SPNS2: variants seen among roughly 807,000 people sequenced by gnomAD.
SPNS2 encodes SPNS lysolipid transporter 2, sphingosine-1-phosphate, also known as sphingosine-1-phosphate transporter SPNS2.
A neutral mutation model predicts 57.6 loss-of-function variants in SPNS2; 37 were observed. That is an observed-to-expected ratio of 0.64 (90% CI 0.49 to 0.85). The LOEUF (loss-of-function observed/expected upper bound fraction) is 0.85, where lower values mean the gene tolerates loss of function less well. Ranked by LOEUF, SPNS2 falls within the 40% of genes least tolerant of loss-of-function variation. The pLI, the probability that SPNS2 is intolerant of heterozygous loss-of-function variation, is 0.00. For synonymous variants in SPNS2, 440 were observed against 346.9 expected (o/e 1.27, Z -2.98); for missense variants, 831 against 779.1 (o/e 1.07, Z -0.79).
At chr17:4,534,804 C>T (rs1426114790) in intron 9 of SPNS2, among the ~76,000 whole-genome samples, 1 of 146,692 alleles carries the variant, frequency 6.8e-6, no homozygotes, top group Non-Finnish European at 1.5e-5. Flanking sequence ...ACTGCACAGG[C>T]CCAGAGTGAA....
intron 2 of SPNS2, among the ~76,000 whole-genome samples, chr17:4,520,790 C>T (rs1040314924): frequency 6.6e-6 from 1 of 152,144 alleles, no homozygotes; most frequent in Non-Finnish European, 1.5e-5. Flanking sequence ...GCCGCACACT[C>T]GCTGTGTGAC....
At position 4,512,921 on chromosome 17, in the gene SPNS2, C is replaced by T. The variant is rs942967759; in HGVS notation, c.371-326C>T. On this transcript the variant is annotated intron_variant, in intron 1 of 12. Coordinates refer to ENST00000329078, the MANE Select transcript of SPNS2 (RefSeq NM_001124758.3). This position sits in a 1 kb window ranked among gnomAD's most constrained non-coding sequence, Gnocchi z 5.2. The stretch of plus-strand genomic sequence containing the variant: ...AAAGGCCTATGTCTATTGCACTGAT[C>T]CACGGCCTGGGCCGCAGGTAGGGAA... Among the ~76,000 whole-genome samples the T allele has an allele frequency of 1.3e-5, 2 of 152,186 alleles. No individual in the cohort carries two copies. The highest frequency in any genetic ancestry group is 2.9e-5 in the Non-Finnish European group (2 of 68,026).
chr17:4,498,999 C>A lies in SPNS2; in HGVS notation c.-49C>A. On this transcript the variant is annotated 5_prime_UTR_variant, in exon 1 of 13. Coordinates refer to ENST00000329078, the MANE Select transcript of SPNS2 (RefSeq NM_001124758.3). The stretch of plus-strand genomic sequence containing the variant: ...GCACGCACGCGCTGAGCGGGCCCAG[C>A]CTGGGCCCCGCGCCCCCCGCGCCCC... 1.0e-6 allele frequency: 1 copy of A among 976,856 alleles called. No homozygotes were observed. Among genetic ancestry groups the A allele is most frequent in the Non-Finnish European group, 1.2e-6 (1 of 821,860 alleles). 60.5% of individuals were successfully genotyped at this position (976,856 alleles called of 1,614,324 possible).
At chr17:4,527,992 G>T (rs1905305781) in intron 3 of SPNS2, among the ~76,000 whole-genome samples, 2 of 151,194 alleles carry the variant, frequency 1.3e-5, no homozygotes, top group Admixed American at 1.3e-4. Flanking sequence ...CCATCACTGG[G>T]TGTGCACAGA....
At chr17:4,537,370 C>A in intron 12 of SPNS2, 83 bp from the exon 13 acceptor site, 1 of 393,652 alleles carries the variant, frequency 2.5e-6, no homozygotes. Flanking sequence ...CGTCTCCAAA[C>A]AGCAAGAAAA....
chr17:4,513,774 G>A (rs1257930930), intron 2 of SPNS2, among the ~76,000 whole-genome samples: 5 of 152,214 alleles, frequency 3.3e-5, no homozygotes, highest in African/African-American at 7.2e-5. Flanking sequence ...CTTAGGTGAC[G>A]AAGCAAAAAA....
chr17:4,537,820 C>A lies in SPNS2; in HGVS notation c.*372C>A. On this transcript the variant is annotated 3_prime_UTR_variant, in exon 13 of 13. Coordinates refer to ENST00000329078, the MANE Select transcript of SPNS2 (RefSeq NM_001124758.3). ...CTCCCTGGAACGAAGGGCCAGGGGG[C>A]TGGACTTTCCCACACAACTTGCTGG... is the stretch of plus-strand genomic sequence containing the variant. 2.2e-6 allele frequency: 1 copy of A among 455,234 alleles called. No homozygotes were observed. Among genetic ancestry groups the A allele is most frequent in the Non-Finnish European group, 4.4e-6 (1 of 225,746 alleles). 28.2% of individuals were successfully genotyped at this position (455,234 alleles called of 1,614,324 possible). A position where few individuals can be genotyped will look rare whatever the true frequency, so the allele number is the denominator to read the frequency against.
At chr17:4,514,056 C>G (rs1207328248) in intron 2 of SPNS2, among the ~76,000 whole-genome samples, 1 of 152,264 alleles carries the variant, frequency 6.6e-6, no homozygotes, top group African/African-American at 2.4e-5. Flanking sequence ...TGACATGGCC[C>G]TGTGGGAGCT....
Position 4,532,656 on chromosome 17 carries a change from C to G in SPNS2, c.907C>G (p.Leu303Val), listed in dbSNP as rs1294986486. 3 of 1,613,918 alleles carry G rather than the reference C, an allele frequency of 1.9e-6. No individual in the cohort carries two copies. Among genetic ancestry groups the G allele is most frequent in the East Asian group, 4.5e-5 (2 of 44,888 alleles). The change falls in exon 6 of 13, where the codon CTC (leucine) becomes GTC (valine). Residue 303 changes from leucine to valine, a missense_variant. Around this residue, in one of 2 missense-constraint regions of SPNS2, gnomAD observed 526 missense variants for 400.9 expected, o/e 1.31. Coordinates refer to ENST00000329078, the MANE Select transcript of SPNS2 (RefSeq NM_001124758.3). ...GDQLKARTSW[L>V]RDMKALIRNR... ...CCAGCTCAAGGCCCGGACCTCATGG[C>G]TCCGAGATATGAAGGCCCTGATTCG...
intron 1 of SPNS2, among the ~76,000 whole-genome samples, chr17:4,500,192 C>T (rs1001555541): frequency 3.3e-5 from 5 of 152,256 alleles, no homozygotes; most frequent in Admixed American, 2.6e-4. Context: ...GCCTTGGGGA[C>T]GGGATTGGGA....
chr17:4,530,849 C>A, intron 4 of SPNS2, 66 bp downstream of exon 4: 1 of 1,566,086 alleles, frequency 6.4e-7, no homozygotes, highest in East Asian at 2.3e-5. Flanking sequence ...CTTCTGAGTT[C>A]TCCCACTCCC....
intron 2 of SPNS2, among the ~76,000 whole-genome samples, chr17:4,520,510 G>A (rs917831015): frequency 1.1e-4 from 16 of 152,060 alleles, no homozygotes; most frequent in Admixed American, 8.5e-4. Flanking sequence ...GAGAGAGCGC[G>A]CTGTGGTTCT....
chr17:4,499,524 C>T lies in SPNS2; in HGVS notation c.370+107C>T. On this transcript the variant is annotated intron_variant, in intron 1 of 12. Transcript: ENST00000329078. This position sits in a 1 kb window ranked among gnomAD's most constrained non-coding sequence, Gnocchi z 5.2. ...CTTTTGGTCTCAGGCCTGCTATCTC[C>T]AGGCCCTACGTGAGGTCCCTACGGA... 1.5e-6 allele frequency: 1 copy of T among 686,698 alleles called. No individual in the cohort carries two copies. Among genetic ancestry groups the T allele is most frequent in the East Asian group, 3.4e-5 (1 of 29,064 alleles). The allele number at this position is 686,698 out of a possible 1,614,324, so 42.5% of individuals were successfully genotyped here. A position where few individuals can be genotyped will look rare whatever the true frequency, so the allele number is the denominator to read the frequency against.
At chr17:4,531,921 T>TA (rs1905494516) in intron 5 of SPNS2, among the ~76,000 whole-genome samples, 1 of 152,120 alleles carries the variant, frequency 6.6e-6, no homozygotes, top group East Asian at 1.9e-4. Context: ...CTGTGGGGCC[T>TA]GCATCGGGCC....
intron 2 of SPNS2, among the ~76,000 whole-genome samples, chr17:4,515,804 G>A (rs1270423421): frequency 6.6e-6 from 1 of 152,226 alleles, no homozygotes; most frequent in Non-Finnish European, 1.5e-5. Flanking sequence ...GTGGCACCAG[G>A]GGCTGCTGGG....
rs1476300593 is a variant in SPNS2, at chr17:4,537,896, G to A, written c.*448G>A. On this transcript the variant is annotated 3_prime_UTR_variant, in exon 13 of 13. Coordinates refer to ENST00000329078, the MANE Select transcript of SPNS2 (RefSeq NM_001124758.3). The stretch of plus-strand genomic sequence containing the variant: ...GACTCAACAGACCCTGGACCATACG[G>A]AGAGCAGGTGGCCCAGGCCTCAGGG... 1 of 423,126 alleles carries A rather than the reference G, an allele frequency of 2.4e-6. No homozygotes were observed. Among genetic ancestry groups the A allele is most frequent in the Non-Finnish European group, 4.8e-6 (1 of 206,316 alleles). 26.2% of individuals were successfully genotyped at this position (423,126 alleles called of 1,614,324 possible). A position where few individuals can be genotyped will look rare whatever the true frequency, so the allele number is the denominator to read the frequency against.
chr17:4,533,955 G>A (rs1905629458), intron 9 of SPNS2, 102 bp downstream of exon 9: 2 of 1,119,396 alleles, frequency 1.8e-6, no homozygotes. Context: ...AGAGCTGGTA[G>A]GAAGGCAGGC....
intron 2 of SPNS2, among the ~76,000 whole-genome samples, chr17:4,518,633 G>T (rs1945625757): frequency 6.6e-6 from 1 of 152,268 alleles, no homozygotes; most frequent in African/African-American, 2.4e-5. Context: ...CTCAGGGCCG[G>T]GGTTTGTAGG....
At chr17:4,531,197 G>C (rs1392498074) in intron 5 of SPNS2, 78 bp downstream of exon 5, 1 of 1,403,700 alleles carries the variant, frequency 7.1e-7, no homozygotes, top group African/African-American at 1.4e-5. Context: ...ATGTAATCCA[G>C]GCTAGGACCT....
Sources: allele counts gnomAD v4.1 joint callset (sites outside exome capture counted in the v4.1 genomes callset), GRCh38; gene constraint gnomAD v4.1.1; regional missense constraint gnomAD v4.1.1; non-coding constraint Gnocchi (gnomAD v3.1); transcripts MANE v1.5; gene names NCBI Gene and HGNC (gene_info 2026-07-23, HGNC 2026-07-21).